The following TDRD1 variants were observed in gnomAD, a reference collection of about 807,000 sequenced individuals.
The protein encoded by TDRD1 is tudor domain containing 1, also known as tudor domain-containing protein 1.
A neutral mutation model predicts 140.6 loss-of-function variants in TDRD1; 37 were observed. The observed-to-expected ratio is 0.26, with a 90% CI of 0.20 to 0.35. The LOEUF (loss-of-function observed/expected upper bound fraction) is 0.35. TDRD1 is among the 10% of genes least tolerant of loss of function. TDRD1 has a pLI of 1.00. For missense variants in TDRD1, 1,243 were observed against 1,393.0 expected, an observed-to-expected ratio of 0.89 and a Z score of 1.71; for synonymous variants, 506 against 475.7, an observed-to-expected ratio of 1.06 and a Z score of -0.83.
chr10:114,222,629 A>C, exon 21 of TDRD1: 1 of 1,613,390 alleles, frequency 6.2e-7, no homozygotes, highest in South Asian at 1.1e-5. Context: ...GAATTATTAG[A>C]ATACTGCAAT....
At chr10:114,232,570 G>A (rs1275659916), downstream of TDRD1, among the ~76,000 whole-genome samples, 1 of 144,200 alleles carries the variant, frequency 6.9e-6, no homozygotes, top group Non-Finnish European at 1.5e-5. Context: ...TGTTAAATGG[G>A]ATATTTCCTC....
At chr10:114,208,206 G>T (rs1025088497) in intron 11 of TDRD1, among the ~76,000 whole-genome samples, 2 of 152,134 alleles carry the variant, frequency 1.3e-5, no homozygotes. Context: ...AAGCTAGAGC[G>T]GATCATTAAA....
chr10:114,219,773 G>T (rs2036034420), intron 18 of TDRD1, among the ~76,000 whole-genome samples: 2 of 151,982 alleles, frequency 1.3e-5, no homozygotes, highest in Non-Finnish European at 2.9e-5. Flanking sequence ...TGTATTTTTA[G>T]TAGAGACGGG....
intron 3 of TDRD1, among the ~76,000 whole-genome samples, chr10:114,198,808 G>A (rs2616656): frequency 2.0e-5 from 3 of 152,092 alleles, no homozygotes; most frequent in African/African-American, 4.8e-5. Context: ...TGCCCACCAC[G>A]ACACCCGGCT....
intron 11 of TDRD1, 67 bp downstream of exon 11, chr10:114,206,397 A>G: frequency 7.8e-7 from 1 of 1,281,074 alleles, no homozygotes; most frequent in East Asian, 2.4e-5. Context: ...CCTACTAAAC[A>G]AAGGCACAAC....
At chr10:114,175,569 G>C (rs2032675759), upstream of TDRD1, among the ~76,000 whole-genome samples, 1 of 152,122 alleles carries the variant, frequency 6.6e-6, no homozygotes, top group Admixed American at 6.6e-5. Flanking sequence ...GATCTCTAAA[G>C]AGCATTGCCC....
intron 15 of TDRD1, 50 bp from the exon 16 acceptor site, chr10:114,213,927 G>T (rs11594341): frequency 6.3e-7 from 1 of 1,599,506 alleles, no homozygotes; most frequent in Non-Finnish European, 8.6e-7. Flanking sequence ...CCCCAACCTC[G>T]CTACATCCCT....
At chr10:114,188,359 C>T (rs924680494) in intron 2 of TDRD1, among the ~76,000 whole-genome samples, 2 of 152,054 alleles carry the variant, frequency 1.3e-5, no homozygotes, top group African/African-American at 4.8e-5. Flanking sequence ...AGAAAAAATT[C>T]CTGGGGAGAG....
intron 9 of TDRD1, 41 bp downstream of exon 9, chr10:114,204,257 A>G: frequency 6.4e-7 from 1 of 1,552,228 alleles, no homozygotes; most frequent in South Asian, 1.3e-5. Flanking sequence ...TAGTGTCCCA[A>G]AGGAGCTGTT....
chr10:114,176,832 T>TTA (rs771758391), upstream of TDRD1, among the ~76,000 whole-genome samples: 2 of 152,156 alleles, frequency 1.3e-5, no homozygotes, highest in Non-Finnish European at 2.9e-5. This position sits in a 1 kb window ranked among gnomAD's most constrained non-coding sequence, Gnocchi z 4.2. Flanking sequence ...GCAAGAGAAA[T>TTA]TATTGTTTTT....
chr10:114,190,917 A>G, intron 2 of TDRD1, 44 bp from the exon 3 acceptor site: 1 of 1,576,124 alleles, frequency 6.3e-7, no homozygotes, highest in East Asian at 2.2e-5. Context: ...AGCAATAAAA[A>G]GTATTATTTG....
At chr10:114,187,983 C>G in exon 2 of TDRD1, 1 of 1,614,162 alleles carries the variant, frequency 6.2e-7, no homozygotes, top group South Asian at 1.1e-5. Context: ...CCTAACCACC[C>G]TAATTTCAGG....
At chr10:114,230,438 A>G (rs2036693040) in intron 25 of TDRD1, among the ~76,000 whole-genome samples, 2 of 152,236 alleles carry the variant, frequency 1.3e-5, no homozygotes, top group African/African-American at 2.4e-5. Flanking sequence ...ATCTACTCAC[A>G]TACTTAATCT....
intron 6 of TDRD1, 116 bp downstream of exon 6, chr10:114,202,414 A>G (rs943939613): frequency 1.1e-5 from 7 of 656,310 alleles, no homozygotes; most frequent in Non-Finnish European, 1.7e-5. Flanking sequence ...CAAGTTTCCT[A>G]TTATATAAAT....
exon 2 of TDRD1, chr10:114,187,916 G>C (rs1483030218): frequency 3.1e-6 from 5 of 1,612,978 alleles, no homozygotes; most frequent in African/African-American, 1.3e-5. Flanking sequence ...ATTTAATTTT[G>C]AGAAAAATGA....
exon 7 of TDRD1, chr10:114,203,103 T>C (rs1347722209): frequency 3.1e-6 from 5 of 1,613,796 alleles, no homozygotes; most frequent in Non-Finnish European, 3.4e-6. Context: ...ACTAAGGAAA[T>C]AGCCATTTGG....
intron 21 of TDRD1, among the ~76,000 whole-genome samples, chr10:114,223,990 G>GC (rs981164049): frequency 6.6e-6 from 1 of 152,056 alleles, no homozygotes; most frequent in Non-Finnish European, 1.5e-5. Context: ...CGGCACTTCT[G>GC]CCCCCCACAC....
chr10:114,221,536 G>T lies in TDRD1; in HGVS notation c.2890+60G>T. 4 of 1,519,660 alleles carry T rather than the reference G, an allele frequency of 2.6e-6. No individual in the cohort carries two copies. In the South Asian group the frequency reaches 3.5e-5, roughly 13 times the overall value. The allele number at this position is 1,519,660 out of a possible 1,614,324, so 94.1% of individuals were successfully genotyped here. A position where few individuals can be genotyped will look rare whatever the true frequency, so the allele number is the denominator to read the frequency against. On this transcript the variant is annotated intron_variant, in intron 20 of 25. Transcript: ENST00000251864. ...ATCTTTTAAACTGTAAAACGAAAGT[G>T]CTGGTCTTGAATTCCTTTGGGAATG...
chr10:114,191,002 C>G (rs1368773684), exon 3 of TDRD1: 2 of 1,613,976 alleles, frequency 1.2e-6, no homozygotes, highest in Non-Finnish European at 1.7e-6. Flanking sequence ...TAATTCACCA[C>G]CCAAAGAAGT....
Sources: allele counts gnomAD v4.1 joint callset (sites outside exome capture counted in the v4.1 genomes callset), GRCh38; gene constraint gnomAD v4.1.1; non-coding constraint Gnocchi (gnomAD v3.1); transcripts MANE v1.5; gene names NCBI Gene and HGNC (gene_info 2026-07-23, HGNC 2026-07-21).